ARL6IP6: variants seen among roughly 807,000 people sequenced by gnomAD.
ARL6IP6 encodes ARF like GTPase 6 interacting protein 6, also known as ADP-ribosylation factor-like protein 6-interacting protein 6.
ARL6IP6 carries 22 observed loss-of-function variants against 21.5 expected under a neutral mutation model. That is an observed-to-expected ratio of 1.02 (90% CI 0.73 to 1.46). The LOEUF (loss-of-function observed/expected upper bound fraction) is 1.46, where lower values mean the gene tolerates loss of function less well. ARL6IP6 is among the 40% of genes most tolerant of loss of function. ARL6IP6 has a pLI of 0.00. For missense variants in ARL6IP6, 388 were observed against 299.8 expected (o/e 1.29, Z -2.17); for synonymous variants, 164 against 125.3 (o/e 1.31, Z -2.06).
intron 3 of ARL6IP6, among the ~76,000 whole-genome samples, chr2:152,749,324 C>A (rs908494791): frequency 6.6e-5 from 10 of 151,486 alleles, no homozygotes; most frequent in Non-Finnish European, 1.2e-4. Flanking sequence ...AACACACACA[C>A]ACACACACAC....
At chr2:152,723,106 A>G (rs1161881647) in intron 2 of ARL6IP6, among the ~76,000 whole-genome samples, 2 of 152,248 alleles carry the variant, frequency 1.3e-5, no homozygotes, top group African/African-American at 4.8e-5. Context: ...CTTGACTTCC[A>G]TCTAAATCAA....
At chr2:152,728,311 A>C (rs143378433) in intron 2 of ARL6IP6, among the ~76,000 whole-genome samples, 16 of 152,306 alleles carry the variant, frequency 1.1e-4, no homozygotes, top group Non-Finnish European at 1.9e-4. Flanking sequence ...AAGTTTTATG[A>C]AGTGTGTGCA....
chr2:152,742,921 T>C (rs1700884293), intron 3 of ARL6IP6, among the ~76,000 whole-genome samples: 1 of 152,202 alleles, frequency 6.6e-6, no homozygotes, highest in South Asian at 2.1e-4. Context: ...GTAACATAGT[T>C]TGCAACTGAC....
At chr2:152,734,412 G>A (rs572534985) in intron 2 of ARL6IP6, among the ~76,000 whole-genome samples, 5 of 152,340 alleles carry the variant, frequency 3.3e-5, no homozygotes, top group East Asian at 1.9e-4. Context: ...AGTGCATGGC[G>A]TGGAATGAAA....
intron 2 of ARL6IP6, among the ~76,000 whole-genome samples, chr2:152,734,373 G>C (rs1022305327): frequency 6.6e-6 from 1 of 152,088 alleles, no homozygotes; most frequent in Non-Finnish European, 1.5e-5. Flanking sequence ...GTAAAGAGGG[G>C]ATACCCCCAA....
intron 3 of ARL6IP6, among the ~76,000 whole-genome samples, chr2:152,752,318 T>C (rs1473679251): frequency 2.6e-5 from 4 of 152,126 alleles, no homozygotes; most frequent in Non-Finnish European, 5.9e-5. Flanking sequence ...ATGATGAAAC[T>C]GAACAAAACT....
chr2:152,736,502 T>C (rs1187053054), intron 3 of ARL6IP6, among the ~76,000 whole-genome samples: 1 of 152,184 alleles, frequency 6.6e-6, no homozygotes, highest in African/African-American at 2.4e-5. Context: ...TTCATTGTAT[T>C]TGTCTATTCA....
At chr2:152,726,234 T>G (rs1211516841) in intron 2 of ARL6IP6, among the ~76,000 whole-genome samples, 1 of 152,240 alleles carries the variant, frequency 6.6e-6, no homozygotes, top group Non-Finnish European at 1.5e-5. Context: ...TTCAGTCACT[T>G]AATCTGTCAG....
chr2:152,755,110 G>A (rs187208359), intron 3 of ARL6IP6, among the ~76,000 whole-genome samples: 13 of 152,282 alleles, frequency 8.5e-5, no homozygotes, highest in Non-Finnish European at 1.3e-4. Context: ...AGGAGCTGAG[G>A]GGACATAGTG....
In ARL6IP6 at chr2:152,718,635, C is replaced by G. The variant is rs1474585859; in HGVS notation, c.11C>G (p.Ala4Gly). 2.0e-6 allele frequency: 3 copies of G among 1,537,356 alleles called. No homozygotes were observed. Among genetic ancestry groups the G allele is most frequent in the Non-Finnish European group, 2.6e-6 (3 of 1,141,176 alleles). Residue 4 changes from alanine (A) to glycine (G), a missense_variant, in exon 1 of 4, where the codon GCT (alanine) becomes GGT (glycine). Coordinates refer to ENST00000326446, the MANE Select transcript of ARL6IP6 (RefSeq NM_152522.7). MSFAESGWRSALRR... is the reference protein window; with the variant it reads MSFGESGWRSALRR... ...GTTGTGTTTCGCGCCATGTCGTTTG[C>G]TGAGAGCGGGTGGCGGTCGGCTCTG...
chr2:152,735,937 A>G (rs976708449), intron 3 of ARL6IP6, among the ~76,000 whole-genome samples: 6 of 152,180 alleles, frequency 3.9e-5, no homozygotes, highest in African/African-American at 1.4e-4. Context: ...TATAGTTATT[A>G]ATAATCATTG....
chr2:152,749,468 TGGAA>T (rs1317734457), intron 3 of ARL6IP6, among the ~76,000 whole-genome samples: 1 of 152,182 alleles, frequency 6.6e-6, no homozygotes, highest in East Asian at 1.9e-4. Context: ...GTGTTTTACT[TGGAA>T]GGGAGAATCT....
intron 3 of ARL6IP6, among the ~76,000 whole-genome samples, chr2:152,738,381 G>A (rs1339077174): frequency 6.6e-6 from 1 of 152,226 alleles, no homozygotes; most frequent in Non-Finnish European, 1.5e-5. Flanking sequence ...TTCCCCCGTG[G>A]GGACTTTGTG....
intron 3 of ARL6IP6, among the ~76,000 whole-genome samples, chr2:152,753,666 G>A (rs1314592610): frequency 1.4e-5 from 2 of 147,992 alleles, no homozygotes; most frequent in African/African-American, 5.0e-5. Flanking sequence ...GTATTCCCAG[G>A]TTATGGTGGA....
At chr2:152,737,711 C>T (rs997423300) in intron 3 of ARL6IP6, among the ~76,000 whole-genome samples, 3 of 152,178 alleles carry the variant, frequency 2.0e-5, no homozygotes, top group Non-Finnish European at 2.9e-5. Context: ...ATGAGAACAG[C>T]AGCATGGGGG....
chr2:152,732,639 A>G (rs1700373184), intron 2 of ARL6IP6: 2 of 419,282 alleles, frequency 4.8e-6, no homozygotes, highest in Admixed American at 3.2e-5. Flanking sequence ...TGCTATGCAT[A>G]TATAGTAATA....
At chr2:152,725,861 A>G (rs1700020853) in intron 2 of ARL6IP6, among the ~76,000 whole-genome samples, 1 of 152,214 alleles carries the variant, frequency 6.6e-6, no homozygotes, top group African/African-American at 2.4e-5. Flanking sequence ...TTTCTTATGA[A>G]AATTTTTAAC....
intron 3 of ARL6IP6, among the ~76,000 whole-genome samples, chr2:152,735,708 C>CA (rs1700519500): frequency 6.6e-6 from 1 of 152,048 alleles, no homozygotes; most frequent in Non-Finnish European, 1.5e-5. Flanking sequence ...AGGAAAGTTC[C>CA]AATTTTAAAT....
chr2:152,720,671 A>T, intron 2 of ARL6IP6, 85 bp downstream of exon 2: 1 of 1,209,570 alleles, frequency 8.3e-7, no homozygotes, highest in Non-Finnish European at 1.2e-6. Flanking sequence ...GGGATAAAAT[A>T]CTTAATGTAT....
Sources: gnomAD v4.1 joint callset for allele counts (sites outside exome capture counted in the v4.1 genomes callset) on GRCh38, gnomAD v4.1.1 for gene constraint, MANE v1.5 for transcripts, NCBI Gene and HGNC (gene_info 2026-07-23, HGNC 2026-07-21) for gene names.